POPDC1: variants seen among roughly 807,000 people sequenced by gnomAD.
POPDC1 encodes the protein popeye domain cAMP effector 1.
the POPDC1 span, among the ~76,000 whole-genome samples, chr6:105,128,169 A>G: frequency 6.6e-6 from 1 of 152,232 alleles, no homozygotes; most frequent in African/African-American, 2.4e-5. Flanking sequence ...AGTGTGTTAG[A>G]TTATTGTTTC....
the POPDC1 span, chr6:105,125,719 C>G: frequency 2.5e-6 from 2 of 789,556 alleles, no homozygotes; most frequent in Non-Finnish European, 4.0e-6. Flanking sequence ...CCAATAGAAT[C>G]TTACACAGCA....
chr6:105,101,265 C>T, the POPDC1 span: 2 of 1,484,296 alleles, frequency 1.3e-6, no homozygotes, highest in South Asian at 1.4e-5. Flanking sequence ...CTACCCAGAC[C>T]CTGGTGTGAT....
At chr6:105,133,675 TGTGAA>T in the POPDC1 span, 1 of 935,696 alleles carries the variant, frequency 1.1e-6, no homozygotes, top group Non-Finnish European at 1.6e-6. Flanking sequence ...AAATTATTTC[TGTGAA>T]TTAAATAGAC....
the POPDC1 span, chr6:105,116,904 A>C: frequency 1.0e-5 from 16 of 1,581,188 alleles, no homozygotes; most frequent in Non-Finnish European, 1.2e-5. Context: ...AATAAAGTAC[A>C]TCTATGTATA....
chr6:105,111,471 TA>T, the POPDC1 span, among the ~76,000 whole-genome samples: 1 of 152,228 alleles, frequency 6.6e-6, no homozygotes, highest in Admixed American at 6.5e-5. Flanking sequence ...ACACTGGCAC[TA>T]AAGCGTTCTC....
chr6:105,133,305 A>G, the POPDC1 span: 1 of 1,465,030 alleles, frequency 6.8e-7, no homozygotes, highest in Non-Finnish European at 9.4e-7. Context: ...AGCCCATCTT[A>G]TGTCAGTTAC....
chr6:105,116,334 C>T, the POPDC1 span, among the ~76,000 whole-genome samples: 1 of 152,194 alleles, frequency 6.6e-6, no homozygotes, highest in African/African-American at 2.4e-5. Context: ...CAGCAGGGTT[C>T]AAAGGCCAAC....
At chr6:105,129,819 T>G in the POPDC1 span, among the ~76,000 whole-genome samples, 2 of 152,322 alleles carry the variant, frequency 1.3e-5, no homozygotes, top group East Asian at 3.9e-4. Context: ...ATCGCACTAT[T>G]CAGAATGTCT....
chr6:105,107,369 T>C, the POPDC1 span, among the ~76,000 whole-genome samples: 66 of 152,332 alleles, frequency 4.3e-4, no homozygotes, highest in Non-Finnish European at 7.2e-4. Context: ...CTTATTTCTA[T>C]TTCAGTGTGC....
the POPDC1 span, among the ~76,000 whole-genome samples, chr6:105,113,806 C>T: frequency 5.5e-5 from 7 of 127,932 alleles, no homozygotes; most frequent in African/African-American, 1.1e-4. Context: ...GCCTGCACCA[C>T]GATGCCTGGC....
At chr6:105,115,430 T>C in the POPDC1 span, among the ~76,000 whole-genome samples, 2 of 152,228 alleles carry the variant, frequency 1.3e-5, no homozygotes, top group Non-Finnish European at 2.9e-5. Flanking sequence ...TGAGCCACTA[T>C]TTAAGCAAAG....
At chr6:105,136,602 T>TGCC in the POPDC1 span, 4 of 152,312 alleles carry the variant, frequency 2.6e-5, no homozygotes, top group Admixed American at 1.3e-4. Flanking sequence ...CCAAGGGGCT[T>TGCC]GCCGCCGCAG....
the POPDC1 span, chr6:105,133,364 T>C: frequency 1.1e-5 from 18 of 1,612,408 alleles, no homozygotes; most frequent in East Asian, 1.8e-4. Context: ...AGAGTTAACA[T>C]TCCCCTAAGA....
chr6:105,107,596 T>C, the POPDC1 span, among the ~76,000 whole-genome samples: 2 of 152,340 alleles, frequency 1.3e-5, no homozygotes, highest in East Asian at 1.9e-4. Flanking sequence ...AGGAGCAACA[T>C]TTCTGTAAGC....
At chr6:105,135,758 T>A in the POPDC1 span, among the ~76,000 whole-genome samples, 2 of 152,170 alleles carry the variant, frequency 1.3e-5, no homozygotes, top group African/African-American at 4.8e-5. Context: ...TCTATATATC[T>A]ATATAATTGT....
At chr6:105,109,809 C>T in the POPDC1 span, among the ~76,000 whole-genome samples, 12 of 88,190 alleles carry the variant, frequency 1.4e-4, no homozygotes, top group South Asian at 3.9e-4. Flanking sequence ...CAATAAATAA[C>T]GGCACATCAT....
the POPDC1 span, among the ~76,000 whole-genome samples, chr6:105,112,062 A>G: frequency 1.3e-5 from 2 of 152,150 alleles, no homozygotes; most frequent in Non-Finnish European, 2.9e-5. Flanking sequence ...AGTGTAGTTC[A>G]CAGACCAGCC....
At chr6:105,124,123 C>A in the POPDC1 span, among the ~76,000 whole-genome samples, 14 of 152,074 alleles carry the variant, frequency 9.2e-5, no homozygotes, top group Non-Finnish European at 1.9e-4. Flanking sequence ...TGGCTCATGC[C>A]TGTAATCCCA....
chr6:105,111,797 A>T, the POPDC1 span, among the ~76,000 whole-genome samples: 1 of 152,192 alleles, frequency 6.6e-6, no homozygotes, highest in Non-Finnish European at 1.5e-5. Flanking sequence ...TTCCATTAAA[A>T]CAGGTCACTT....
Sources: gnomAD v4.1 joint callset for allele counts (sites outside exome capture counted in the v4.1 genomes callset) on GRCh38, gnomAD v4.1.1 for gene constraint, MANE v1.5 for transcripts, NCBI Gene and HGNC (gene_info 2026-07-23, HGNC 2026-07-21) for gene names.